The following ADGRG2 variants were observed in gnomAD, a reference collection of about 807,000 sequenced individuals.
ADGRG2 encodes G protein-coupled receptor 64.
Under a neutral mutation model 74.1 loss-of-function variants are expected in ADGRG2, and 26 were observed. The observed-to-expected ratio is 0.35, with a 90% CI of 0.26 to 0.49. The LOEUF (loss-of-function observed/expected upper bound fraction) is 0.49. Ranked by LOEUF, ADGRG2 falls within the 20% of genes least tolerant of loss-of-function variation. The pLI is 0.99. For missense variants in ADGRG2, 619 were observed against 763.1 expected, an observed-to-expected ratio of 0.81 and a Z score of 2.22; for synonymous variants, 296 against 295.2, an observed-to-expected ratio of 1.00 and a Z score of -0.03.
chrX:19,044,241 C>T (rs1256533993), intron 3 of ADGRG2, among the ~76,000 whole-genome samples: 1 of 111,213 alleles, frequency 9.0e-6, no homozygotes, highest in Admixed American at 9.6e-5. Context: ...ACATTGAGGG[C>T]CATTCCTTCA....
chrX:19,053,244 G>T (rs1366341680), intron 3 of ADGRG2, among the ~76,000 whole-genome samples: 1 of 111,010 alleles, frequency 9.0e-6, no homozygotes, highest in East Asian at 2.8e-4. Context: ...TAAGCTACAG[G>T]GGTACATTGG....
chrX:19,021,186 A>C lies in ADGRG2; in HGVS notation c.561T>G (p.Cys187Trp). 1 of 1,004,365 alleles carries C rather than the reference A, an allele frequency of 1.0e-6. No homozygotes were observed. The highest frequency in any genetic ancestry group is 1.4e-6 in the Non-Finnish European group (1 of 707,710). The allele number at this position is 1,004,365 out of a possible 1,213,427, so 82.8% of individuals were successfully genotyped here. Residue 187 changes from cysteine to tryptophan, a missense_variant, in exon 14 of 29, where the codon TGT becomes TGG. This residue lies in a region of ADGRG2 where 292 missense variants were observed against 318.0 expected (regional missense o/e 0.92). Coordinates refer to ENST00000379869, the MANE Select transcript of ADGRG2 (RefSeq NM_001079858.3). ...TATTATTCAGTTTTATTGTGAATGT[A>C]CAATTTAATGTGCTGTAAGGAGAAA... Reference protein sequence around the residue: ...ATAEAQSTLNCTFTIKLNNTM... With the variant: ...ATAEAQSTLNWTFTIKLNNTM...
rs2060232826 is a variant in ADGRG2 at position 19,006,398 on chromosome X, G to T, written c.1690-133C>A. On this transcript the variant is annotated intron_variant, in intron 20 of 28. Transcript: ENST00000379869. ...TTCAGAATCTTAGGCTTAATTTTTA[G>T]AGAGTTCTTATTTTATATGGTCCCT... 20 of 496,814 alleles carry T rather than the reference G, an allele frequency of 4.0e-5. No individual in the cohort carries two copies. In the South Asian group the frequency reaches 5.9e-4, roughly 15 times the overall value. 40.9% of individuals were successfully genotyped at this position (496,814 alleles called of 1,213,427 possible).
At chrX:19,066,227 T>C (rs1332750095) in intron 3 of ADGRG2, among the ~76,000 whole-genome samples, 2 of 111,990 alleles carry the variant, frequency 1.8e-5, no homozygotes, top group East Asian at 5.6e-4. Flanking sequence ...CCAATTGTGT[T>C]ATAGCTTGTT....
At position 19,022,341 on chromosome X, in the gene ADGRG2, C is replaced by T. The variant is rs908375891; in HGVS notation, c.548+1075G>A. Among the ~76,000 whole-genome samples the T allele has an allele frequency of 2.7e-5, 3 of 111,475 alleles. No homozygotes were observed. The Admixed American group carries it at 2.9e-4, about 11-fold the overall frequency. ...AAGAATTGAAGACATTCTCTCTGTCCTTTCTACTTTAGCCTTGGTTTAGGT... is the reference window on the plus strand; with the variant it reads ...AAGAATTGAAGACATTCTCTCTGTCTTTTCTACTTTAGCCTTGGTTTAGGT... On this transcript the variant is annotated intron_variant, in intron 13 of 28. Transcript: ENST00000379869.
At chrX:19,000,519 G>T (rs2060110096) in intron 24 of ADGRG2, among the ~76,000 whole-genome samples, 1 of 111,508 alleles carries the variant, frequency 9.0e-6, no homozygotes, top group Admixed American at 9.5e-5. Flanking sequence ...TCCACTTCCA[G>T]GCCTGCCCCA....
chrX:19,111,130 A>T (rs181497954), intron 1 of ADGRG2, among the ~76,000 whole-genome samples: 50 of 111,704 alleles, frequency 4.5e-4, no homozygotes, highest in Admixed American at 3.6e-3. Flanking sequence ...AGCCTGAACG[A>T]TGGAGTGAAT....
chrX:19,024,052 C>A, intron 11 of ADGRG2, 104 bp from the exon 12 acceptor site: 1 of 547,423 alleles, frequency 1.8e-6, no homozygotes, highest in Non-Finnish European at 3.2e-6. Context: ...GTATACATTG[C>A]TTATGGTGTT....
At chrX:19,092,130 C>G (rs969889132) in intron 1 of ADGRG2, among the ~76,000 whole-genome samples, 1 of 111,980 alleles carries the variant, frequency 8.9e-6, no homozygotes, top group Non-Finnish European at 1.9e-5. Flanking sequence ...CCACAGCCAC[C>G]GGCCCTCTGC....
At position 18,990,069 on chromosome X, in the gene ADGRG2, G is replaced by A. The variant is rs2059898127; in HGVS notation, c.*795C>T. The stretch of plus-strand genomic sequence containing the variant: ...ATTGGATGCTGTGTTTGGCTGTACA[G>A]GTCGTGCACCCAAGAGGGTGAGTGG... On this transcript the variant is annotated 3_prime_UTR_variant, in exon 29 of 29. Transcript: ENST00000379869. 8.9e-6 allele frequency: 1 copy of A among 112,395 alleles called. No homozygotes were observed. Among genetic ancestry groups the A allele is most frequent in the Admixed American group, 9.4e-5 (1 of 10,626 alleles). The allele number at this position is 112,395 out of a possible 1,213,427, so 9.3% of individuals were successfully genotyped here. A position where few individuals can be genotyped will look rare whatever the true frequency, so the allele number is the denominator to read the frequency against.
intron 1 of ADGRG2, among the ~76,000 whole-genome samples, chrX:19,116,668 G>C (rs1045028704): frequency 9.0e-6 from 1 of 111,040 alleles, no homozygotes; most frequent in Admixed American, 9.7e-5. Context: ...GAAATAGGTA[G>C]TTACACTGAT....
At chrX:19,065,244 A>G (rs2146890355) in intron 3 of ADGRG2, among the ~76,000 whole-genome samples, 1 of 97,868 alleles carries the variant, frequency 1.0e-5, no homozygotes, top group South Asian at 5.4e-4. Context: ...AGTCTGGGCG[A>G]CAACAAGATC....
intron 11 of ADGRG2, among the ~76,000 whole-genome samples, chrX:19,024,886 G>T (rs1258334963): frequency 8.9e-6 from 1 of 112,376 alleles, no homozygotes; most frequent in African/African-American, 3.2e-5. Context: ...GGGCTCAAGC[G>T]ATCCTCCTGC....
Position 19,021,183 on chromosome X carries a change from T to C in ADGRG2, c.564A>G (p.Thr188=), listed in dbSNP as rs982011468. 9.7e-7 allele frequency: 1 copy of C among 1,027,885 alleles called. No homozygotes were observed. The highest frequency in any genetic ancestry group is 2.2e-5 in the Admixed American group (1 of 45,229). 84.7% of individuals were successfully genotyped at this position (1,027,885 alleles called of 1,213,427 possible). ...TTGTATTATTCAGTTTTATTGTGAA[T>C]GTACAATTTAATGTGCTGTAAGGAG... ...TAEAQSTLNC[T]FTIKLNNTMN... Residue 188 remains threonine, a synonymous_variant, in exon 14 of 29, where the codon ACA becomes ACG. Transcript: ENST00000379869.
chrX:19,072,853 C>T (rs1416986571), intron 2 of ADGRG2, among the ~76,000 whole-genome samples: 16 of 110,949 alleles, frequency 1.4e-4, no homozygotes, highest in Non-Finnish European at 3.1e-4. Flanking sequence ...CCGAGAATGT[C>T]CTATTAGGTC....
At chrX:19,043,439 T>C (rs1279383839) in intron 3 of ADGRG2, among the ~76,000 whole-genome samples, 1 of 112,116 alleles carries the variant, frequency 8.9e-6, no homozygotes, top group Admixed American at 9.5e-5. Flanking sequence ...ACATTTCCAT[T>C]GTTAAAAAGA....
At chrX:19,055,984 T>C (rs1316075557) in intron 3 of ADGRG2, among the ~76,000 whole-genome samples, 1 of 109,835 alleles carries the variant, frequency 9.1e-6, no homozygotes, top group Non-Finnish European at 1.9e-5. Context: ...TCCACCCTCC[T>C]TGACCTTCCA....
chrX:19,121,861 G>C (rs1026162718), intron 1 of ADGRG2, among the ~76,000 whole-genome samples: 2 of 111,298 alleles, frequency 1.8e-5, no homozygotes, highest in Admixed American at 9.4e-5. Flanking sequence ...GCCGAAATGC[G>C]CTCACTCCGA....
chrX:19,103,546 G>T (rs2062225986), intron 1 of ADGRG2, among the ~76,000 whole-genome samples: 1 of 111,850 alleles, frequency 8.9e-6, no homozygotes, highest in Non-Finnish European at 1.9e-5. Flanking sequence ...TTTCTTGTAT[G>T]AGGTCCAAGA....
Sources: allele counts gnomAD v4.1 joint callset (sites outside exome capture counted in the v4.1 genomes callset), GRCh38; gene constraint gnomAD v4.1.1; regional missense constraint gnomAD v4.1.1; transcripts MANE v1.5; gene names NCBI Gene and HGNC (gene_info 2026-07-23, HGNC 2026-07-21).